The following FHIT variants were observed in gnomAD, a reference collection of about 807,000 sequenced individuals.
FHIT encodes bis(5'-adenosyl)-triphosphatase.
Under a neutral mutation model 17.9 loss-of-function variants are expected in FHIT, and 19 were observed. That is an observed-to-expected ratio of 1.06 (90% CI 0.74 to 1.56). The LOEUF is 1.56. Ranked by LOEUF, FHIT falls within the 40% of genes most tolerant of loss-of-function variation. FHIT has a pLI of 0.00. For synonymous variants in FHIT, 81 were observed against 69.7 expected (o/e 1.16, Z -0.81); for missense variants, 248 against 189.2 (o/e 1.31, Z -1.82).
At chr3:60,677,113 T>A (rs146994206) in intron 4 of FHIT, among the ~76,000 whole-genome samples, 2 of 152,052 alleles carry the variant, frequency 1.3e-5, no homozygotes, top group South Asian at 4.1e-4. Flanking sequence ...CTGGGCTCAA[T>A]TGATCTGCCC....
intron 2 of FHIT, among the ~76,000 whole-genome samples, chr3:61,174,221 G>A (rs905078608): frequency 2.0e-5 from 3 of 152,186 alleles, no homozygotes; most frequent in Admixed American, 2.0e-4. Context: ...AACTGATTAG[G>A]AAACTCAAGA....
chr3:60,480,513 T>G (rs2033559907), intron 5 of FHIT, among the ~76,000 whole-genome samples: 2 of 152,216 alleles, frequency 1.3e-5, no homozygotes, highest in Non-Finnish European at 2.9e-5. Context: ...CTTAGGAACC[T>G]GTAAACTCAA....
intron 7 of FHIT, among the ~76,000 whole-genome samples, chr3:59,962,109 A>G (rs1457577516): frequency 2.0e-5 from 3 of 152,230 alleles, no homozygotes; most frequent in Non-Finnish European, 2.9e-5. Context: ...AAGACTTTTG[A>G]ACCAAAACAT....
intron 4 of FHIT, among the ~76,000 whole-genome samples, chr3:60,601,908 T>A (rs2682969): frequency 0.92 from 140,062 of 152,174 alleles, 64,584 homozygotes; most frequent in African/African-American, 0.97. Flanking sequence ...AAAACTTAAT[T>A]AATTCATTAG....
chr3:60,942,604 C>G (rs1165726535), intron 3 of FHIT, among the ~76,000 whole-genome samples: 2 of 151,728 alleles, frequency 1.3e-5, no homozygotes, highest in South Asian at 2.1e-4. Context: ...TGTAGTTGAT[C>G]AAGTTTGACA....
chr3:60,862,714 T>G (rs970804670), intron 3 of FHIT, among the ~76,000 whole-genome samples: 14 of 151,938 alleles, frequency 9.2e-5, no homozygotes, highest in Admixed American at 6.6e-5. Context: ...TAGCCAGGCA[T>G]GGTGGTGAGT....
In FHIT at chr3:60,562,293, G is replaced by T. The variant is rs1576883660; in HGVS notation, c.-17-25314C>A. On this transcript the variant is annotated intron_variant, in intron 4 of 9. Transcript: ENST00000492590. ...CAGTCTCTATTCTCTGATCCAGGGG[G>T]AAAAGACTAAATGAGTTAGTAACAT... 4.6e-5 allele frequency among the ~76,000 whole-genome samples: 7 copies of T among 152,314 alleles called. 1 individual carries two copies. The highest frequency in any genetic ancestry group is 4.6e-4 in the Admixed American group (7 of 15,290).
At chr3:61,165,487 C>T (rs952090380) in intron 2 of FHIT, 3 of 152,150 alleles carry the variant, frequency 2.0e-5, no homozygotes, top group Admixed American at 6.5e-5. Flanking sequence ...AATAGAGTTA[C>T]TTGTTTTTTG....
rs556668557 is a variant in FHIT at position 60,704,106 on chromosome 3, C to T, written c.-18+117813G>A. On this transcript the variant is annotated intron_variant, in intron 4 of 9. Coordinates refer to ENST00000492590, the MANE Select transcript of FHIT (RefSeq NM_002012.4). Reference sequence around the variant, plus strand: ...ACTACATATGCATTAAATCAGAAGACGACAGTCTTCCAAGAATAAAATGAA... The same window carrying T: ...ACTACATATGCATTAAATCAGAAGATGACAGTCTTCCAAGAATAAAATGAA... Among the ~76,000 whole-genome samples the T allele has an allele frequency of 7.8e-4, 118 of 152,150 alleles. 3 individuals are homozygous for T. Among genetic ancestry groups the T allele is most frequent in the South Asian group, 5.6e-3 (27 of 4,812 alleles).
At chr3:59,861,463 C>T (rs1463608832) in intron 8 of FHIT, among the ~76,000 whole-genome samples, 2 of 152,200 alleles carry the variant, frequency 1.3e-5, no homozygotes, top group Admixed American at 1.3e-4. Context: ...TGCAAACTTC[C>T]AGGGTGCTAT....
At chr3:60,558,311 C>T (rs563259007) in intron 4 of FHIT, among the ~76,000 whole-genome samples, 12 of 152,114 alleles carry the variant, frequency 7.9e-5, no homozygotes, top group African/African-American at 2.9e-4. Flanking sequence ...GAAACCATTC[C>T]ATGGCTCAGG....
chr3:60,179,842 G>T (rs577760604), intron 5 of FHIT, among the ~76,000 whole-genome samples: 1 of 152,002 alleles, frequency 6.6e-6, no homozygotes, highest in Non-Finnish European at 1.5e-5. Context: ...GGTTCTCTTC[G>T]TTCTGCATGC....
chr3:60,192,134 C>T (rs951489898), intron 5 of FHIT, among the ~76,000 whole-genome samples: 5 of 151,596 alleles, frequency 3.3e-5, no homozygotes, highest in Non-Finnish European at 5.9e-5. Context: ...GCCTGTAATC[C>T]CAGCTACTCA....
intron 5 of FHIT, among the ~76,000 whole-genome samples, chr3:60,366,094 A>G (rs1700096309): frequency 6.6e-6 from 1 of 152,228 alleles, no homozygotes; most frequent in South Asian, 2.1e-4. Flanking sequence ...TTTTGTTTTC[A>G]GAAAATGAGT....
intron 7 of FHIT, among the ~76,000 whole-genome samples, chr3:59,999,952 C>T (rs147421982): frequency 5.9e-5 from 9 of 152,282 alleles, no homozygotes; most frequent in African/African-American, 2.2e-4. Flanking sequence ...GGCTTCAAGT[C>T]TGGTTAATTC....
At chr3:60,859,908 G>C (rs1283685303) in intron 3 of FHIT, among the ~76,000 whole-genome samples, 1 of 150,432 alleles carries the variant, frequency 6.6e-6, no homozygotes, top group Non-Finnish European at 1.5e-5. Context: ...GCCAGGTGTG[G>C]TGGCACGTGC....
intron 4 of FHIT, among the ~76,000 whole-genome samples, chr3:60,612,260 C>A (rs782667628): frequency 6.6e-5 from 10 of 152,134 alleles, no homozygotes; most frequent in Non-Finnish European, 1.2e-4. Context: ...ATCTCCATTT[C>A]CCAAATCACA....
intron 5 of FHIT, among the ~76,000 whole-genome samples, chr3:60,096,384 C>T (rs1559627956): frequency 6.6e-6 from 1 of 151,848 alleles, no homozygotes. Context: ...AGGTAGTACT[C>T]GAAAAAGCAA....
chr3:60,225,894 C>G (rs1339567258), intron 5 of FHIT, among the ~76,000 whole-genome samples: 1 of 152,156 alleles, frequency 6.6e-6, no homozygotes. Context: ...GGACCAAGTC[C>G]TGACCAGGAA....
Sources: allele counts gnomAD v4.1 joint callset (sites outside exome capture counted in the v4.1 genomes callset), GRCh38; gene constraint gnomAD v4.1.1; transcripts MANE v1.5; gene names NCBI Gene and HGNC (gene_info 2026-07-23, HGNC 2026-07-21).